MECOM: variants seen among roughly 807,000 people sequenced by gnomAD.
MECOM encodes histone-lysine N-methyltransferase MECOM.
MECOM carries 13 observed loss-of-function variants against 116.3 expected under a neutral mutation model. The ratio of observed to expected loss-of-function variants is 0.11; its 90% CI spans 0.07 to 0.18. The LOEUF (loss-of-function observed/expected upper bound fraction) is 0.18. Among genes scored for constraint, MECOM ranks in the 10% least tolerant of loss-of-function variants. The probability of loss-of-function intolerance (pLI) is 1.00; values close to 1 mark genes in which losing one functional copy is unlikely to be tolerated. For missense variants in MECOM, 1,299 were observed against 1,509.0 expected (o/e 0.86, Z 2.31); for synonymous variants, 528 against 535.2 (o/e 0.99, Z 0.19).
At chr3:169,285,831 G>T (rs1713173919) in intron 2 of MECOM, among the ~76,000 whole-genome samples, 1 of 152,106 alleles carries the variant, frequency 6.6e-6, no homozygotes, top group South Asian at 2.1e-4. Context: ...TCTTAATGGG[G>T]TGTAATCAGT....
intron 1 of MECOM, among the ~76,000 whole-genome samples, chr3:169,384,849 C>T (rs546786735): frequency 4.4e-4 from 67 of 152,120 alleles, no homozygotes; most frequent in African/African-American, 1.4e-3. Context: ...CAGCCTGTAA[C>T]CCTAGCACTT....
chr3:169,466,617 C>CT (rs1748347261), intron 1 of MECOM, among the ~76,000 whole-genome samples: 1 of 151,952 alleles, frequency 6.6e-6, no homozygotes. Flanking sequence ...TGATTCCACT[C>CT]TTTTTTTTCC....
At chr3:169,449,136 G>C (rs1387349017) in intron 1 of MECOM, among the ~76,000 whole-genome samples, 1 of 152,154 alleles carries the variant, frequency 6.6e-6, no homozygotes, top group Non-Finnish European at 1.5e-5. Flanking sequence ...CACAAATGAA[G>C]CATACCATGG....
intron 2 of MECOM, among the ~76,000 whole-genome samples, chr3:169,200,413 T>A (rs1748988208): frequency 6.6e-6 from 1 of 151,512 alleles, no homozygotes; most frequent in Non-Finnish European, 1.5e-5. Context: ...TATTTAATTA[T>A]TTTTTAATAA....
chr3:169,582,686 T>C (rs1439432501), intron 1 of MECOM, among the ~76,000 whole-genome samples: 1 of 152,174 alleles, frequency 6.6e-6, no homozygotes, highest in East Asian at 1.9e-4. Context: ...TGTTTCATCC[T>C]TTCACCTGTA....
rs752537134 is a variant in MECOM at position 169,511,637 on chromosome 3, G to A, written c.38-130113C>T. ...AAATTAGCTGGGTGTGATGGTGGGC[G>A]CTTGTAGTCCCAGCTACTCAACTTG... On this transcript the variant is annotated intron_variant, in intron 1 of 16. Coordinates refer to ENST00000651503, the MANE Select transcript of MECOM (RefSeq NM_004991.4). Among the ~76,000 whole-genome samples the A allele has an allele frequency of 8.2e-4, 125 of 152,052 alleles. 2 individuals are homozygous for A. Among genetic ancestry groups the A allele is most frequent in the Non-Finnish European group, 6.5e-4 (44 of 67,992 alleles).
intron 1 of MECOM, among the ~76,000 whole-genome samples, chr3:169,545,745 G>T (rs1039069163): frequency 6.6e-6 from 1 of 152,140 alleles, no homozygotes; most frequent in Non-Finnish European, 1.5e-5. Flanking sequence ...TCCCAAGTCT[G>T]TGCCAGAGAC....
At chr3:169,374,106 G>GGA (rs977667328) in intron 2 of MECOM, among the ~76,000 whole-genome samples, 1 of 151,436 alleles carries the variant, frequency 6.6e-6, no homozygotes, top group Non-Finnish European at 1.5e-5. Flanking sequence ...ATATTAATAA[G>GGA]GAGAGAGAGC....
At chr3:169,100,391 G>T (rs1222283837) in intron 12 of MECOM, among the ~76,000 whole-genome samples, 1 of 151,952 alleles carries the variant, frequency 6.6e-6, no homozygotes, top group Non-Finnish European at 1.5e-5. Context: ...CAGCCACCAT[G>T]CCCAGCCTAA....
chr3:169,465,112 A>G (rs1315756011), intron 1 of MECOM, among the ~76,000 whole-genome samples: 2 of 152,124 alleles, frequency 1.3e-5, no homozygotes, highest in East Asian at 3.8e-4. Flanking sequence ...AGCTCTTTTC[A>G]CCTATATATT....
At chr3:169,455,960 A>C (rs1021613468) in intron 1 of MECOM, among the ~76,000 whole-genome samples, 4 of 152,248 alleles carry the variant, frequency 2.6e-5, no homozygotes, top group Non-Finnish European at 5.9e-5. Context: ...CGAACTAGGC[A>C]GTCTTTGGCC....
chr3:169,576,796 T>TACAC (rs373881811), intron 1 of MECOM, among the ~76,000 whole-genome samples: 1,855 of 136,522 alleles, frequency 0.014, 26 homozygotes, highest in Non-Finnish European at 0.02. Flanking sequence ...CTTCCTGTTT[T>TACAC]ACACACACAC....
At chr3:169,307,174 C>A (rs979555731) in intron 2 of MECOM, among the ~76,000 whole-genome samples, 2 of 152,162 alleles carry the variant, frequency 1.3e-5, no homozygotes, top group African/African-American at 2.4e-5. Flanking sequence ...ATCAATAATT[C>A]TTAGACTTTC....
chr3:169,341,417 A>G (rs1445704199), intron 2 of MECOM, among the ~76,000 whole-genome samples: 1 of 113,164 alleles, frequency 8.8e-6, no homozygotes, highest in African/African-American at 3.4e-5. Context: ...GGAGGTGGAG[A>G]GGGTTAATAG....
chr3:169,481,334 A>G (rs188998258), intron 1 of MECOM, among the ~76,000 whole-genome samples: 10 of 152,190 alleles, frequency 6.6e-5, no homozygotes, highest in Admixed American at 2.0e-4. Context: ...GGGTGGATCA[A>G]TTGAGGTCAG....
intron 2 of MECOM, among the ~76,000 whole-genome samples, chr3:169,198,193 T>A (rs1395577376): frequency 3.3e-5 from 5 of 152,048 alleles, no homozygotes; most frequent in Non-Finnish European, 7.4e-5. Flanking sequence ...GACCAGTTCA[T>A]AACAACAGAT....
intron 2 of MECOM, among the ~76,000 whole-genome samples, chr3:169,293,590 C>G (rs1232636487): frequency 6.6e-6 from 1 of 152,188 alleles, no homozygotes; most frequent in East Asian, 1.9e-4. Flanking sequence ...AAGTACCAAA[C>G]CTTCTGTGTG....
At chr3:169,174,381 C>A (rs987483075) in intron 2 of MECOM, among the ~76,000 whole-genome samples, 3 of 152,092 alleles carry the variant, frequency 2.0e-5, no homozygotes, top group Non-Finnish European at 4.4e-5. Flanking sequence ...ATGTAATGGA[C>A]AAGAATGAAT....
At chr3:169,651,008 T>C (rs1362777233) in intron 1 of MECOM, among the ~76,000 whole-genome samples, 1 of 152,232 alleles carries the variant, frequency 6.6e-6, no homozygotes, top group Non-Finnish European at 1.5e-5. Flanking sequence ...TTCTTTCTCT[T>C]GTCTGATTGC....
Sources: allele counts gnomAD v4.1 joint callset (sites outside exome capture counted in the v4.1 genomes callset), GRCh38; gene constraint gnomAD v4.1.1; transcripts MANE v1.5; gene names NCBI Gene and HGNC (gene_info 2026-07-23, HGNC 2026-07-21).